The following PEDS1 variants were observed in gnomAD, a reference collection of about 807,000 sequenced individuals.
The protein encoded by PEDS1 is CarF homolog.
A neutral mutation model predicts 35.2 loss-of-function variants in PEDS1; 14 were observed. The observed-to-expected ratio is 0.40, with a 90% CI of 0.26 to 0.62. The LOEUF (loss-of-function observed/expected upper bound fraction) is 0.62, where lower values mean the gene tolerates loss of function less well. Ranked by LOEUF, PEDS1 falls within the 20% of genes least tolerant of loss-of-function variation. The probability of loss-of-function intolerance (pLI) is 0.44; values close to 1 mark genes in which losing one functional copy is unlikely to be tolerated. For missense variants in PEDS1, 260 were observed against 367.8 expected (o/e 0.71, Z 2.40); for synonymous variants, 152 against 152.0 (o/e 1.00, Z 0.00).
At chr20:50,149,449 C>T (rs2081379401) in intron 1 of PEDS1, among the ~76,000 whole-genome samples, 1 of 152,164 alleles carries the variant, frequency 6.6e-6, no homozygotes, top group Non-Finnish European at 1.5e-5. Flanking sequence ...AAGCTGGACA[C>T]CCGCCTCACC....
chr20:50,149,919 C>G (rs1046012065), intron 1 of PEDS1, among the ~76,000 whole-genome samples: 1 of 152,198 alleles, frequency 6.6e-6, no homozygotes, highest in African/African-American at 2.4e-5. Flanking sequence ...CTCAGGCAGC[C>G]TCTCCCATTT....
chr20:50,153,581 C>T lies in PEDS1; in HGVS notation c.57G>A (p.Ala19=). ...GCTGCGCGCCCCAGCGGCAACAAGA[C>T]GCCTCGTCCTCGTCCAGCTCCAGCT... ...GQQLELDEDE[A]SCCRWGAQHA... Residue 19 remains alanine (A), a synonymous_variant, in exon 1 of 6, where the codon GCG becomes GCA. Coordinates refer to ENST00000371652, the MANE Select transcript of PEDS1 (RefSeq NM_199129.4). The T allele has an allele frequency of 7.0e-7, 1 of 1,432,450 alleles. No homozygotes were observed. Among genetic ancestry groups the T allele is most frequent in the Non-Finnish European group, 9.2e-7 (1 of 1,086,952 alleles). 88.7% of individuals were successfully genotyped at this position (1,432,450 alleles called of 1,614,324 possible).
Position 50,135,658 on chromosome 20 carries a change from CAAAAAAAAAAAA to C in PEDS1, c.242-4723_242-4712del, listed in dbSNP as rs34069451. Among the ~76,000 whole-genome samples the C allele has an allele frequency of 1.1e-4, 4 of 37,850 alleles. No homozygotes were observed. In the South Asian group the frequency reaches 3.9e-3, roughly 36 times the overall value. The allele number at this position is 37,850 out of a possible 152,430, so 24.8% of individuals were successfully genotyped here. A position where few individuals can be genotyped will look rare whatever the true frequency, so the allele number is the denominator to read the frequency against. Reference sequence around the variant, plus strand: ...GGGCAACAAGAGCAAAACTCCATCTCAAAAAAAAAAAAAAAAAAAAAAAAGCATTTCCAGCCC... The same window carrying C: ...GGGCAACAAGAGCAAAACTCCATCTCAAAAAAAAAAAAGCATTTCCAGCCC... On this transcript the variant is annotated intron_variant, in intron 2 of 5. Transcript: ENST00000371652.
intron 5 of PEDS1, 84 bp downstream of exon 5, chr20:50,127,891 G>C: frequency 6.5e-7 from 1 of 1,530,054 alleles, no homozygotes; most frequent in East Asian, 2.4e-5. Context: ...GTGACCTCCT[G>C]CTGTGATCTC....
chr20:50,143,639 G>A lies in PEDS1; in HGVS notation c.122-18C>T, dbSNP rs371159568. ...GCGCTTGCCTGCAGGGAGCAGAGGC[G>A]AGAGGTAAAGGCTGGAAGGTCAAGG... On this transcript the variant is annotated intron_variant, in intron 1 of 5. Coordinates refer to ENST00000371652, the MANE Select transcript of PEDS1 (RefSeq NM_199129.4). 47 of 1,613,730 alleles carry A rather than the reference G, an allele frequency of 2.9e-5. No individual in the cohort carries two copies. In the Middle Eastern group the frequency reaches 9.9e-4, roughly 34 times the overall value.
intron 2 of PEDS1, among the ~76,000 whole-genome samples, chr20:50,142,470 C>G (rs1339569396): frequency 6.6e-6 from 1 of 152,186 alleles, no homozygotes; most frequent in Non-Finnish European, 1.5e-5. Context: ...CGGAGTCTCG[C>G]TCTGCTGCCT....
chr20:50,121,997 G>A lies in PEDS1; in HGVS notation c.*3061C>T, dbSNP rs945755949. 6.6e-6 allele frequency: 1 copy of A among 152,228 alleles called. No homozygotes were observed. The highest frequency in any genetic ancestry group is 2.4e-5 in the African/African-American group (1 of 41,450). 9.4% of individuals were successfully genotyped at this position (152,228 alleles called of 1,614,324 possible). ...CATTTTTCAGCCCTGGGCAACCAGA[G>A]CATTTCACCCCACTGGCCAATGTGA... On this transcript the variant is annotated 3_prime_UTR_variant, in exon 6 of 6. Transcript: ENST00000371652.
chr20:50,135,159 TG>T (rs2081220784), intron 2 of PEDS1, among the ~76,000 whole-genome samples: 1 of 152,296 alleles, frequency 6.6e-6, no homozygotes, highest in South Asian at 2.1e-4. Context: ...CACTCCAGCC[TG>T]GGCAACAGAT....
chr20:50,120,842 G>GAA lies in PEDS1; in HGVS notation c.*4214_*4215dup, dbSNP rs148547339. The GAA allele has an allele frequency of 2.0e-5, 3 of 148,458 alleles. No individual in the cohort carries two copies. The highest frequency in any genetic ancestry group is 6.7e-5 in the Admixed American group (1 of 14,866). The allele number at this position is 148,458 out of a possible 1,614,324, so 9.2% of individuals were successfully genotyped here. A position where few individuals can be genotyped will look rare whatever the true frequency, so the allele number is the denominator to read the frequency against. On this transcript the variant is annotated 3_prime_UTR_variant, in exon 6 of 6. Transcript: ENST00000371652. ...TGACAGAGCAAGACCCCGTCTCCAGGAAAAAAAAAAGGCGGGGTGATGGAG... is the reference window on the plus strand; with the variant it reads ...TGACAGAGCAAGACCCCGTCTCCAGGAAAAAAAAAAAAGGCGGGGTGATGGAG...
intron 2 of PEDS1, among the ~76,000 whole-genome samples, chr20:50,134,018 G>C (rs1376760121): frequency 1.3e-5 from 2 of 152,190 alleles, no homozygotes; most frequent in Non-Finnish European, 2.9e-5. Flanking sequence ...TGCTGTGTAT[G>C]CACTGCCTCT....
intron 1 of PEDS1, among the ~76,000 whole-genome samples, chr20:50,150,557 T>C (rs1025234313): frequency 7.9e-5 from 12 of 152,194 alleles, no homozygotes; most frequent in Admixed American, 5.2e-4. Context: ...TAAAATGTCA[T>C]TCCTGTCCCC....
rs566438709 is a variant in PEDS1 at position 50,131,730 on chromosome 20, C to T, written c.242-783G>A. Among the ~76,000 whole-genome samples the T allele has an allele frequency of 2.6e-5, 4 of 151,452 alleles. No homozygotes were observed. In the East Asian group the frequency reaches 7.8e-4, roughly 29 times the overall value. ...ACATGATCATTTGGTCTCCAGCAGC[C>T]TTTTCCTTGTTTCTGTTCTCAATCT... On this transcript the variant is annotated intron_variant, in intron 2 of 5. Coordinates refer to ENST00000371652, the MANE Select transcript of PEDS1 (RefSeq NM_199129.4).
chr20:50,125,571 T>G (rs1569039905), intron 5 of PEDS1, among the ~76,000 whole-genome samples: 2 of 151,934 alleles, frequency 1.3e-5, no homozygotes, highest in East Asian at 3.9e-4. Context: ...TATCTATCTA[T>G]CTATCTATCT....
At chr20:50,142,529 C>T (rs2081301259) in intron 2 of PEDS1, among the ~76,000 whole-genome samples, 1 of 152,174 alleles carries the variant, frequency 6.6e-6, no homozygotes, top group Non-Finnish European at 1.5e-5. Context: ...CCTCCGCCTC[C>T]TGGGTTCAAA....
chr20:50,142,691 C>CCCCA (rs2081305749), intron 2 of PEDS1, among the ~76,000 whole-genome samples: 1 of 100,520 alleles, frequency 9.9e-6, no homozygotes, highest in Non-Finnish European at 2.3e-5. Flanking sequence ...CGCCCCCCCC[C>CCCCA]CCCCGCCCCA....
At chr20:50,147,137 C>T (rs2081354516) in intron 1 of PEDS1, among the ~76,000 whole-genome samples, 1 of 152,164 alleles carries the variant, frequency 6.6e-6, no homozygotes, top group African/African-American at 2.4e-5. Flanking sequence ...CTAACAATGG[C>T]TGACACACAC....
At chr20:50,141,588 C>T (rs2081291983) in intron 2 of PEDS1, among the ~76,000 whole-genome samples, 1 of 152,242 alleles carries the variant, frequency 6.6e-6, no homozygotes, top group Non-Finnish European at 1.5e-5. Context: ...GCCACAGAGC[C>T]AGGAGGTGGT....
At chr20:50,131,425 T>C (rs1057167383) in intron 2 of PEDS1, among the ~76,000 whole-genome samples, 18 of 151,932 alleles carry the variant, frequency 1.2e-4, no homozygotes, top group African/African-American at 4.4e-4. Flanking sequence ...AGTTCGAGAA[T>C]AGCCTGACCA....
chr20:50,147,060 T>C (rs905222681), intron 1 of PEDS1, among the ~76,000 whole-genome samples: 9 of 152,168 alleles, frequency 5.9e-5, no homozygotes, highest in African/African-American at 1.7e-4. Flanking sequence ...CCTGCCTGCC[T>C]GCCCCACAGC....
Sources: allele counts gnomAD v4.1 joint callset (sites outside exome capture counted in the v4.1 genomes callset), GRCh38; gene constraint gnomAD v4.1.1; transcripts MANE v1.5; gene names NCBI Gene and HGNC (gene_info 2026-07-23, HGNC 2026-07-21).